DCAF5: variants seen among roughly 807,000 people sequenced by gnomAD.
DCAF5 encodes the protein DDB1 and CUL4 associated factor 5, also known as DDB1- and CUL4-associated factor 5.
A neutral mutation model predicts 80.7 loss-of-function variants in DCAF5; 9 were observed. The ratio of observed to expected loss-of-function variants is 0.11; its 90% confidence interval spans 0.07 to 0.19. DCAF5 has a LOEUF of 0.19. Among genes scored for constraint, DCAF5 ranks in the 10% least tolerant of loss-of-function variants. DCAF5 has a pLI of 1.00. For missense variants in DCAF5, 842 were observed against 1,205.7 expected (o/e 0.70, Z 4.47); for synonymous variants, 433 against 461.9 (o/e 0.94, Z 0.80).
chr14:69,142,222 CATGGA>C (rs1446023072), intron 1 of DCAF5, among the ~76,000 whole-genome samples: 5 of 152,164 alleles, frequency 3.3e-5, no homozygotes, highest in Non-Finnish European at 2.9e-5. Flanking sequence ...ATCACTTGAG[CATGGA>C]GGGTCAAAGC....
chr14:69,104,010 G>A (rs1158309671), intron 5 of DCAF5, among the ~76,000 whole-genome samples: 1 of 152,164 alleles, frequency 6.6e-6, no homozygotes, highest in Non-Finnish European at 1.5e-5. Flanking sequence ...AAGGACATGT[G>A]AGTAGTTTCC....
intron 6 of DCAF5, among the ~76,000 whole-genome samples, chr14:69,079,354 A>G (rs550238845): frequency 6.6e-6 from 1 of 152,212 alleles, no homozygotes; most frequent in Non-Finnish European, 1.5e-5. Flanking sequence ...GAAAATGCAT[A>G]GAATGTACAG....
At chr14:69,099,459 G>A (rs924349779) in intron 5 of DCAF5, among the ~76,000 whole-genome samples, 3 of 151,918 alleles carry the variant, frequency 2.0e-5, no homozygotes, top group Non-Finnish European at 4.4e-5. Flanking sequence ...TCCTACATAG[G>A]TGCATAGGTG....
chr14:69,093,426 G>C (rs2039597203), intron 5 of DCAF5, among the ~76,000 whole-genome samples: 1 of 152,138 alleles, frequency 6.6e-6, no homozygotes, highest in South Asian at 2.1e-4. Flanking sequence ...AGATTTATCT[G>C]AAACATTTTA....
intron 2 of DCAF5, among the ~76,000 whole-genome samples, chr14:69,121,266 A>G (rs2040710339): frequency 6.6e-6 from 1 of 152,196 alleles, no homozygotes; most frequent in African/African-American, 2.4e-5. Context: ...AATTCAAAGG[A>G]GAATTAGAGA....
Position 69,153,059 on chromosome 14 carries a change from C to G in DCAF5, c.-81G>C. On this transcript the variant is annotated 5_prime_UTR_variant, in exon 1 of 9. Coordinates refer to ENST00000341516, the MANE Select transcript of DCAF5 (RefSeq NM_003861.3). ...CGGCCGCTGCTCCCCCCACCCGGCC[C>G]TCCCCCCGCGCTGCGATCCGGATGG... 1 of 1,135,352 alleles carries G rather than the reference C, an allele frequency of 8.8e-7. No homozygotes were observed. The highest frequency in any genetic ancestry group is 3.9e-5 in the Admixed American group (1 of 25,716). The allele number at this position is 1,135,352 out of a possible 1,614,324, so 70.3% of individuals were successfully genotyped here. A position where few individuals can be genotyped will look rare whatever the true frequency, so the allele number is the denominator to read the frequency against.
rs2039195821 is a variant in DCAF5, at chr14:69,083,485, G to A, written c.880-8074C>T. On this transcript the variant is annotated intron_variant, in intron 6 of 8. Transcript: ENST00000341516. ...GCAGTGGAACCTAAAGTTGCAGGGGGCCTCAAATCTGACCCTGTCCGAAAC... is the reference window on the plus strand; with the variant it reads ...GCAGTGGAACCTAAAGTTGCAGGGGACCTCAAATCTGACCCTGTCCGAAAC... 5 of 327,610 alleles carry A rather than the reference G, an allele frequency of 1.5e-5. No homozygotes were observed. The South Asian group carries it at 1.6e-4, about 11-fold the overall frequency. 20.3% of individuals were successfully genotyped at this position (327,610 alleles called of 1,614,324 possible). A position where few individuals can be genotyped will look rare whatever the true frequency, so the allele number is the denominator to read the frequency against.
intron 1 of DCAF5, among the ~76,000 whole-genome samples, chr14:69,142,866 T>C (rs555942233): frequency 4.1e-4 from 63 of 152,316 alleles, no homozygotes; most frequent in African/African-American, 1.5e-3. Flanking sequence ...AATACACATA[T>C]ATTGTTTTTA....
At position 69,152,696 on chromosome 14, in the gene DCAF5, G is replaced by C. The variant is rs565216828; in HGVS notation, c.214+69C>G. ...GGACAGAGGGCAGGAGGAGGGTGAC[G>C]GGGGAGAGCGAGAGGGGGAGGCTGG... On this transcript the variant is annotated intron_variant, in intron 1 of 8. Transcript: ENST00000341516. This position sits in a 1 kb window ranked among gnomAD's most constrained non-coding sequence, Gnocchi z 4.1. 6 of 1,216,830 alleles carry C rather than the reference G, an allele frequency of 4.9e-6. No individual in the cohort carries two copies. The highest frequency in any genetic ancestry group is 1.4e-5 in the South Asian group (1 of 71,884). 75.4% of individuals were successfully genotyped at this position (1,216,830 alleles called of 1,614,324 possible). A position where few individuals can be genotyped will look rare whatever the true frequency, so the allele number is the denominator to read the frequency against.
At chr14:69,091,289 T>C in intron 6 of DCAF5, 1 of 610,406 alleles carries the variant, frequency 1.6e-6, no homozygotes, top group Non-Finnish European at 2.9e-6. Flanking sequence ...GTACTTAGGG[T>C]GTTTCATTCA....
At chr14:69,148,115 A>C (rs1373157552) in intron 1 of DCAF5, among the ~76,000 whole-genome samples, 29 of 152,196 alleles carry the variant, frequency 1.9e-4, no homozygotes, top group African/African-American at 6.0e-4. Flanking sequence ...AAAAAAAAAA[A>C]AAAAAACTTT....
Position 69,122,376 on chromosome 14 carries a change from A to G in DCAF5, c.215-16T>C, listed in dbSNP as rs766636267. On this transcript the variant is annotated splice_polypyrimidine_tract_variant and intron_variant, in intron 1 of 8. Transcript: ENST00000341516. ...TCATCTCCTCCTTAAGAAGGAAATA[A>G]GAATCTGTGCTTAAAACAGCTGACA... 12 of 1,604,894 alleles carry G rather than the reference A, an allele frequency of 7.5e-6. No homozygotes were observed. Among genetic ancestry groups the G allele is most frequent in the Non-Finnish European group, 1.0e-5 (12 of 1,172,888 alleles).
At chr14:69,074,731 G>A (rs1233808848) in intron 7 of DCAF5, among the ~76,000 whole-genome samples, 4 of 151,986 alleles carry the variant, frequency 2.6e-5, no homozygotes, top group Non-Finnish European at 4.4e-5. Context: ...ATAAAAGCAA[G>A]ACAAAAATAT....
At chr14:69,146,616 T>C (rs182157411) in intron 1 of DCAF5, among the ~76,000 whole-genome samples, 26 of 152,288 alleles carry the variant, frequency 1.7e-4, no homozygotes, top group African/African-American at 6.0e-4. Context: ...GGGGATATCT[T>C]TTAAAAGGTC....
chr14:69,093,451 G>A lies in DCAF5; in HGVS notation c.666-1564C>T, dbSNP rs1317350695. ...GAAACATTTTAAAGAAGTTTTAATC[G>A]CATTGTACCAAGTGAAAAAAGAGCT... On this transcript the variant is annotated intron_variant, in intron 5 of 8. Coordinates refer to ENST00000341516, the MANE Select transcript of DCAF5 (RefSeq NM_003861.3). Among the ~76,000 whole-genome samples, 5 of 152,252 alleles carry A rather than the reference G, an allele frequency of 3.3e-5. No individual in the cohort carries two copies. The East Asian group carries it at 5.8e-4, about 18-fold the overall frequency.
chr14:69,110,994 G>A (rs1336636964), intron 5 of DCAF5, among the ~76,000 whole-genome samples: 1 of 149,538 alleles, frequency 6.7e-6, no homozygotes, highest in Admixed American at 6.7e-5. Context: ...GAGGTTTTAA[G>A]AAATTTAAGA....
chr14:69,139,697 T>C (rs2041303480), intron 1 of DCAF5, among the ~76,000 whole-genome samples: 2 of 151,538 alleles, frequency 1.3e-5, no homozygotes, highest in African/African-American at 4.9e-5. Flanking sequence ...ATGCCTACAA[T>C]CCCAGCTACT....
chr14:69,077,519 G>A (rs1019082484), intron 6 of DCAF5, among the ~76,000 whole-genome samples: 3 of 152,016 alleles, frequency 2.0e-5, no homozygotes, highest in Non-Finnish European at 4.4e-5. Context: ...AAGTAGCTGG[G>A]ACTACAGGCA....
intron 5 of DCAF5, among the ~76,000 whole-genome samples, chr14:69,097,569 T>G (rs886286819): frequency 1.8e-5 from 2 of 109,018 alleles, no homozygotes; most frequent in African/African-American, 3.5e-5. Context: ...CCCACTGGAT[T>G]ATTATTATTA....
Sources: allele counts gnomAD v4.1 joint callset (sites outside exome capture counted in the v4.1 genomes callset), GRCh38; gene constraint gnomAD v4.1.1; non-coding constraint Gnocchi (gnomAD v3.1); transcripts MANE v1.5; gene names NCBI Gene and HGNC (gene_info 2026-07-23, HGNC 2026-07-21).